Variants in GABRG3 observed in about 807,000 individuals in gnomAD.
GABRG3 encodes the protein gamma-aminobutyric acid receptor subunit gamma-3.
GABRG3 carries 25 observed loss-of-function variants against 48.8 expected under a neutral mutation model. The observed-to-expected ratio is 0.51, with a 90% CI of 0.37 to 0.72. The LOEUF is 0.72. Among genes scored for constraint, GABRG3 ranks in the 30% least tolerant of loss-of-function variants. The probability of loss-of-function intolerance (pLI) is 0.00; values close to 1 mark genes in which losing one functional copy is unlikely to be tolerated. For missense variants in GABRG3, 394 were observed against 577.9 expected (o/e 0.68, Z 3.26); for synonymous variants, 227 against 217.6 (o/e 1.04, Z -0.38).
At chr15:27,242,088 C>T (rs1046819336) in intron 3 of GABRG3, among the ~76,000 whole-genome samples, 6 of 152,196 alleles carry the variant, frequency 3.9e-5, no homozygotes, top group Non-Finnish European at 8.8e-5. Context: ...TCCTCCAGCA[C>T]GAGATGCCTG....
chr15:27,046,059 G>A (rs12913876), intron 3 of GABRG3, among the ~76,000 whole-genome samples: 38,321 of 152,108 alleles, frequency 0.25, 5,027 homozygotes, highest in Middle Eastern at 0.37. Flanking sequence ...GGGAAGGGAT[G>A]CCCTTGAATC....
In GABRG3 at chr15:27,158,590, T is replaced by C. The variant is rs141131714; in HGVS notation, c.270+131769T>C. On this transcript the variant is annotated intron_variant, in intron 3 of 9. Transcript: ENST00000615808. ...ATCATACCTGTTTTCATAAGATTTC[T>C]ATCTGAGAGAGACAAATTATTTTAT... Among the ~76,000 whole-genome samples, 244 of 152,348 alleles carry C rather than the reference T, an allele frequency of 1.6e-3. 6 individuals are homozygous for C. Among genetic ancestry groups the C allele is most frequent in the African/African-American group, 5.7e-3 (235 of 41,586 alleles).
intron 3 of GABRG3, among the ~76,000 whole-genome samples, chr15:27,210,011 G>T (rs982346489): frequency 6.6e-6 from 1 of 152,116 alleles, no homozygotes; most frequent in Non-Finnish European, 1.5e-5. Flanking sequence ...TTTAACCCAG[G>T]TTACCTTTTT....
rs140011461 is a variant in GABRG3, at chr15:27,341,903, A to G, written c.574+13015A>G. Among the ~76,000 whole-genome samples the G allele has an allele frequency of 3.3e-4, 50 of 152,346 alleles. 1 individual carries two copies. In the East Asian group the frequency reaches 8.3e-3, roughly 25 times the overall value. On this transcript the variant is annotated intron_variant, in intron 5 of 9. Transcript: ENST00000615808. The stretch of plus-strand genomic sequence containing the variant: ...TCTGACAACTGTGTTGGCTGCAGCC[A>G]TATTAGAGCCAGAGAAATTATTAGG...
chr15:26,990,646 T>C lies in GABRG3; in HGVS notation c.202+13496T>C, dbSNP rs374412158. Among the ~76,000 whole-genome samples, 43 of 152,218 alleles carry C rather than the reference T, an allele frequency of 2.8e-4. No homozygotes were observed. In the East Asian group the frequency reaches 7.2e-3, roughly 25 times the overall value. ...AGCTTTTTAATGTGACGTGATCTCA[T>C]TTGGCCATTTTTGTTTTGGTTGCCT... On this transcript the variant is annotated intron_variant, in intron 2 of 9. Coordinates refer to ENST00000615808, the MANE Select transcript of GABRG3 (RefSeq NM_033223.5).
chr15:27,202,148 T>C (rs1888703991), intron 3 of GABRG3, among the ~76,000 whole-genome samples: 2 of 152,226 alleles, frequency 1.3e-5, no homozygotes, highest in African/African-American at 4.8e-5. Flanking sequence ...ACCCAATGCA[T>C]ACCCTTTCAT....
At chr15:27,140,741 A>T (rs1027929771) in intron 3 of GABRG3, among the ~76,000 whole-genome samples, 1 of 152,034 alleles carries the variant, frequency 6.6e-6, no homozygotes, top group African/African-American at 2.4e-5. Flanking sequence ...TGTTTTATGT[A>T]TGCATTGACT....
At chr15:27,169,252 A>G (rs1334604488) in intron 3 of GABRG3, among the ~76,000 whole-genome samples, 1 of 152,196 alleles carries the variant, frequency 6.6e-6, no homozygotes, top group Non-Finnish European at 1.5e-5. Flanking sequence ...CCTTCCCTGG[A>G]TAAGTGCTGG....
intron 3 of GABRG3, among the ~76,000 whole-genome samples, chr15:27,129,294 G>C (rs975008638): frequency 1.3e-5 from 2 of 152,100 alleles, no homozygotes; most frequent in African/African-American, 4.8e-5. Flanking sequence ...ACTTTATATA[G>C]TGGAATCATA....
At chr15:27,075,947 G>A (rs1251040557) in intron 3 of GABRG3, among the ~76,000 whole-genome samples, 3 of 152,190 alleles carry the variant, frequency 2.0e-5, no homozygotes, top group African/African-American at 7.2e-5. Flanking sequence ...CACAGTGCGA[G>A]TCACGGAACG....
At chr15:27,261,831 A>G (rs1890777777) in intron 3 of GABRG3, among the ~76,000 whole-genome samples, 1 of 152,160 alleles carries the variant, frequency 6.6e-6, no homozygotes, top group Non-Finnish European at 1.5e-5. Flanking sequence ...TAGAATAAAA[A>G]TGCCTCCACT....
intron 5 of GABRG3, among the ~76,000 whole-genome samples, chr15:27,461,922 G>A (rs532245376): frequency 6.6e-6 from 1 of 152,090 alleles, no homozygotes; most frequent in African/African-American, 2.4e-5. Context: ...CCCATCTCAC[G>A]AGAAAAGTGA....
intron 6 of GABRG3, among the ~76,000 whole-genome samples, chr15:27,503,921 A>C (rs540649834): frequency 6.6e-6 from 1 of 152,284 alleles, no homozygotes; most frequent in African/African-American, 2.4e-5. Flanking sequence ...TCATTAGGAA[A>C]TGAATTTCTT....
At chr15:27,237,459 C>A (rs1221070069) in intron 3 of GABRG3, among the ~76,000 whole-genome samples, 1 of 152,184 alleles carries the variant, frequency 6.6e-6, no homozygotes, top group Non-Finnish European at 1.5e-5. Context: ...AGAGGCTGAG[C>A]TGGACCTCAC....
intron 3 of GABRG3, among the ~76,000 whole-genome samples, chr15:27,263,810 C>T (rs538739749): frequency 3.3e-4 from 50 of 152,088 alleles, no homozygotes; most frequent in African/African-American, 1.1e-3. Flanking sequence ...CCTGTAGTCC[C>T]CGCTGCTCCG....
chr15:27,047,803 A>G (rs1896389100), intron 3 of GABRG3, among the ~76,000 whole-genome samples: 1 of 152,216 alleles, frequency 6.6e-6, no homozygotes, highest in African/African-American at 2.4e-5. Context: ...TGGGCTAAAA[A>G]TGGAATCAGG....
rs549746399 is a variant in GABRG3 at position 27,236,760 on chromosome 15, G to C, written c.271-90049G>C. 4.6e-5 allele frequency among the ~76,000 whole-genome samples: 7 copies of C among 152,304 alleles called. No homozygotes were observed. The highest frequency in any genetic ancestry group is 1.7e-4 in the African/African-American group (7 of 41,568). On this transcript the variant is annotated intron_variant, in intron 3 of 9. Transcript: ENST00000615808. The surrounding 1 kb of genome is among the most constrained non-coding windows in gnomAD (Gnocchi z 4.4). ...TCAGAGGGCCAAAAACTCTATCCTC[G>C]GATCATGCGAACACTGCCATTTTTT...
intron 5 of GABRG3, among the ~76,000 whole-genome samples, chr15:27,428,624 T>C (rs374933441): frequency 6.6e-6 from 1 of 151,298 alleles, no homozygotes; most frequent in South Asian, 2.1e-4. Context: ...TTCTTGTTCA[T>C]TTTTAGGGGG....
chr15:27,173,415 G>A (rs1555407639), intron 3 of GABRG3, among the ~76,000 whole-genome samples: 9 of 152,068 alleles, frequency 5.9e-5, no homozygotes, highest in Non-Finnish European at 1.5e-5. Context: ...AAGCCATCTG[G>A]ATATGGGTTG....
Sources: gnomAD v4.1 joint callset for allele counts (sites outside exome capture counted in the v4.1 genomes callset) on GRCh38, gnomAD v4.1.1 for gene constraint, Gnocchi (gnomAD v3.1) non-coding constraint, MANE v1.5 for transcripts, NCBI Gene and HGNC (gene_info 2026-07-23, HGNC 2026-07-21) for gene names.